The following RYR2 variants were observed in gnomAD, a reference collection of about 807,000 sequenced individuals.
The protein encoded by RYR2 is cardiac muscle ryanodine receptor-calcium release channel.
Under a neutral mutation model 601.1 loss-of-function variants are expected in RYR2, and 227 were observed. That is an observed-to-expected ratio of 0.38 (90% CI 0.34 to 0.42). The LOEUF is 0.42. Ranked by LOEUF, RYR2 falls within the 10% of genes least tolerant of loss-of-function variation. The probability of loss-of-function intolerance (pLI) is 1.00; values close to 1 mark genes in which losing one functional copy is unlikely to be tolerated. For synonymous variants in RYR2, 2,223 were observed against 2,175.1 expected, an observed-to-expected ratio of 1.02 and a Z score of -0.61; for missense variants, 4,646 against 6,156.5, an observed-to-expected ratio of 0.75 and a Z score of 8.21.
intron 27 of RYR2, among the ~76,000 whole-genome samples, chr1:237,561,127 GGGA>G (rs1671409546): frequency 3.0e-5 from 1 of 33,752 alleles, no homozygotes; most frequent in South Asian, 7.9e-4. Flanking sequence ...TGAGAAAACA[GGGA>G]GAAAAAATGG....
intron 34 of RYR2, 51 bp downstream of exon 34, chr1:237,595,708 C>T: frequency 1.3e-6 from 2 of 1,547,864 alleles, no homozygotes; most frequent in Non-Finnish European, 1.7e-6. Context: ...ACTTCTTTCC[C>T]CCATTAAAGG....
intron 63 of RYR2, among the ~76,000 whole-genome samples, chr1:237,694,729 T>C (rs756094852): frequency 9.2e-5 from 14 of 152,188 alleles, no homozygotes; most frequent in Non-Finnish European, 1.6e-4. Flanking sequence ...ATAGAATATG[T>C]AGTTATTCAA....
Position 237,482,567 on chromosome 1 carries a change from G to C in RYR2, c.1709-9239G>C, listed in dbSNP as rs1335071651. ...TTTTATGGCTGAATAGTACTCCATT[G>C]TGTGTATATACTGATTTTCTTTATC... On this transcript the variant is annotated intron_variant, in intron 17 of 104. Coordinates refer to ENST00000366574, the MANE Select transcript of RYR2 (RefSeq NM_001035.3). Among the ~76,000 whole-genome samples, 3 of 152,078 alleles carry C rather than the reference G, an allele frequency of 2.0e-5. No homozygotes were observed. The South Asian group carries it at 6.2e-4, about 32-fold the overall frequency.
At chr1:237,585,063 A>G (rs919480403) in intron 29 of RYR2, among the ~76,000 whole-genome samples, 2 of 152,066 alleles carry the variant, frequency 1.3e-5, no homozygotes, top group Non-Finnish European at 2.9e-5. Flanking sequence ...CTTTTATTGG[A>G]ACACCACCAC....
chr1:237,659,862 C>T (rs1007734997), intron 54 of RYR2, 123 bp from the exon 55 acceptor site: 1 of 535,296 alleles, frequency 1.9e-6, no homozygotes, highest in African/African-American at 2.0e-5. Flanking sequence ...AAATTTCAAT[C>T]TTAACCCTTA....
At chr1:237,786,487 A>G (rs1454307766) in intron 91 of RYR2, among the ~76,000 whole-genome samples, 1 of 152,250 alleles carries the variant, frequency 6.6e-6, no homozygotes, top group African/African-American at 2.4e-5. Context: ...CCACATGCAT[A>G]AAAGTCCCCG....
chr1:237,402,872 C>CACTG (rs1329337353), intron 10 of RYR2, among the ~76,000 whole-genome samples: 3 of 149,446 alleles, frequency 2.0e-5, no homozygotes, highest in Non-Finnish European at 3.0e-5. Context: ...GCCTCGATGT[C>CACTG]CTGGCCTCAA....
chr1:237,125,230 T>C (rs1215097852), intron 1 of RYR2, among the ~76,000 whole-genome samples: 2 of 152,088 alleles, frequency 1.3e-5, no homozygotes, highest in African/African-American at 4.8e-5. Context: ...GGAGAAGGTA[T>C]TTTTAAGGTC....
At chr1:237,247,553 G>A (rs1276577534) in intron 1 of RYR2, among the ~76,000 whole-genome samples, 2 of 152,176 alleles carry the variant, frequency 1.3e-5, no homozygotes, top group Non-Finnish European at 2.9e-5. Context: ...TGCTACAAGA[G>A]ATTTCCTCTT....
intron 29 of RYR2, among the ~76,000 whole-genome samples, chr1:237,580,902 T>C (rs962796865): frequency 6.6e-6 from 1 of 152,296 alleles, no homozygotes; most frequent in African/African-American, 2.4e-5. Flanking sequence ...AAACGAAGCC[T>C]GCTGACACCT....
rs145519990 is a variant in RYR2 at position 237,184,486 on chromosome 1, A to G, written c.49-86011A>G. 6.0e-3 allele frequency among the ~76,000 whole-genome samples: 913 copies of G among 152,336 alleles called. 9 individuals are homozygous for G. The highest frequency in any genetic ancestry group is 0.033 in the South Asian group (159 of 4,834). On this transcript the variant is annotated intron_variant, in intron 1 of 104. Coordinates refer to ENST00000366574, the MANE Select transcript of RYR2 (RefSeq NM_001035.3). ...TTTATTAAAGCTTAATGTTATCAAG[A>G]GTGTATTTTTCAGAGACTTACGTAA...
intron 79 of RYR2, among the ~76,000 whole-genome samples, chr1:237,736,198 C>T (rs2149185755): frequency 6.6e-6 from 1 of 152,236 alleles, no homozygotes; most frequent in South Asian, 2.1e-4. Flanking sequence ...CGGTGGCTCA[C>T]ACCTATAATC....
chr1:237,155,038 G>A (rs2148829781), intron 1 of RYR2, among the ~76,000 whole-genome samples: 1 of 152,256 alleles, frequency 6.6e-6, no homozygotes, highest in Admixed American at 6.5e-5. Context: ...GATCCTTAGG[G>A]ATGTTGGGGC....
rs759725599 is a variant in RYR2 at position 237,493,483 on chromosome 1, C to T, written c.1961+396C>T. Among the ~76,000 whole-genome samples the T allele has an allele frequency of 1.2e-4, 19 of 152,052 alleles. 1 individual carries two copies. Among genetic ancestry groups the T allele is most frequent in the South Asian group, 4.1e-4 (2 of 4,830 alleles). On this transcript the variant is annotated intron_variant, in intron 19 of 104. Coordinates refer to ENST00000366574, the MANE Select transcript of RYR2 (RefSeq NM_001035.3). ...TTTCTTTTTTTTTAAGACAGAGTCT[C>T]GCTCTGTCGCCCAGGCTGGAGTGCA...
chr1:237,170,449 A>C (rs1464564181), intron 1 of RYR2, among the ~76,000 whole-genome samples: 4 of 152,062 alleles, frequency 2.6e-5, no homozygotes, highest in Non-Finnish European at 4.4e-5. Context: ...GAGAGCTGTG[A>C]CCCTCCTCCG....
At chr1:237,281,045 A>G (rs952986417) in intron 2 of RYR2, among the ~76,000 whole-genome samples, 1 of 152,140 alleles carries the variant, frequency 6.6e-6, no homozygotes, top group African/African-American at 2.4e-5. Context: ...TCAGCCTCCC[A>G]AAGTGCTGGG....
chr1:237,502,864 G>T (rs1009522363), intron 21 of RYR2, among the ~76,000 whole-genome samples: 1 of 151,868 alleles, frequency 6.6e-6, no homozygotes, highest in Non-Finnish European at 1.5e-5. Context: ...AAAGTGACTG[G>T]TTTTTCCCCT....
At chr1:237,070,137 C>T (rs1275909081) in intron 1 of RYR2, among the ~76,000 whole-genome samples, 2 of 150,692 alleles carry the variant, frequency 1.3e-5, no homozygotes, top group African/African-American at 2.4e-5. Flanking sequence ...CTCAAGTGAT[C>T]CTCCCACCTA....
At chr1:237,392,610 C>G (rs1276556069) in intron 10 of RYR2, among the ~76,000 whole-genome samples, 1 of 151,204 alleles carries the variant, frequency 6.6e-6, no homozygotes, top group Non-Finnish European at 1.5e-5. Context: ...TTATTTCCAT[C>G]CAAAATTTTA....
Sources: allele counts gnomAD v4.1 joint callset (sites outside exome capture counted in the v4.1 genomes callset), GRCh38; gene constraint gnomAD v4.1.1; transcripts MANE v1.5; gene names NCBI Gene and HGNC (gene_info 2026-07-23, HGNC 2026-07-21).